PTPRE: variants seen among roughly 807,000 people sequenced by gnomAD.
PTPRE encodes the protein protein tyrosine phosphatase receptor type E.
A neutral mutation model predicts 102.0 loss-of-function variants in PTPRE; 51 were observed. That is an observed-to-expected ratio of 0.50 (90% CI 0.40 to 0.63). The LOEUF (loss-of-function observed/expected upper bound fraction) is 0.63, where lower values mean the gene tolerates loss of function less well. Ranked by LOEUF, PTPRE falls within the 30% of genes least tolerant of loss-of-function variation. The pLI is 0.00. For synonymous variants in PTPRE, 345 were observed against 348.2 expected (o/e 0.99, Z 0.10); for missense variants, 752 against 915.1 (o/e 0.82, Z 2.30).
chr10:128,079,505 T>C, intron 19 of PTPRE, 55 bp from the exon 20 acceptor site: 2 of 1,589,044 alleles, frequency 1.3e-6, no homozygotes, highest in East Asian at 2.2e-5. Context: ...AGCTCTCCAT[T>C]TCTCATCCCC....
intron 2 of PTPRE, among the ~76,000 whole-genome samples, chr10:127,995,483 G>A (rs527434126): frequency 1.3e-5 from 2 of 152,280 alleles, no homozygotes; most frequent in East Asian, 3.9e-4. Flanking sequence ...TGGATCTGCA[G>A]ATCCAGAATA....
Position 128,080,869 on chromosome 10 carries a change from GAA to G in PTPRE, c.2028+1175_2028+1176del, listed in dbSNP as rs762883079. 1.8e-4 allele frequency among the ~76,000 whole-genome samples: 28 copies of G among 152,212 alleles called. 1 individual carries two copies. Among genetic ancestry groups the G allele is most frequent in the Non-Finnish European group, 1.6e-4 (11 of 68,038 alleles). On this transcript the variant is annotated intron_variant, in intron 20 of 20. Coordinates refer to ENST00000254667, the MANE Select transcript of PTPRE (RefSeq NM_006504.6). ...GGTGAATCAGCAAACGAATGAGGGA[GAA>G]GAGTCACTAAATAACCATCAGGCGT...
intron 6 of PTPRE, among the ~76,000 whole-genome samples, chr10:128,052,867 C>A (rs1385815655): frequency 6.6e-6 from 1 of 152,168 alleles, no homozygotes; most frequent in Admixed American, 6.5e-5. Flanking sequence ...CAGAACTGCC[C>A]ACACCTAGCT....
At chr10:128,029,395 A>C (rs1846538417) in intron 2 of PTPRE, among the ~76,000 whole-genome samples, 1 of 152,168 alleles carries the variant, frequency 6.6e-6, no homozygotes, top group African/African-American at 2.4e-5. Flanking sequence ...GGGTGTCAGC[A>C]CTAAAGACCA....
At chr10:128,040,740 G>C in intron 2 of PTPRE, 135 bp from the exon 3 acceptor site, 1 of 648,532 alleles carries the variant, frequency 1.5e-6, no homozygotes, top group East Asian at 2.8e-5. Flanking sequence ...ATCCGTGAAA[G>C]TGACAGGCAA....
At chr10:127,908,496 G>A (rs763278313) in intron 1 of PTPRE, among the ~76,000 whole-genome samples, 1 of 152,178 alleles carries the variant, frequency 6.6e-6, no homozygotes, top group Non-Finnish European at 1.5e-5. Flanking sequence ...GCCAGAGGAG[G>A]GCATGAAATG....
chr10:127,999,050 A>T (rs770917498), intron 2 of PTPRE: 3 of 152,152 alleles, frequency 2.0e-5, no homozygotes, highest in South Asian at 2.1e-4. Flanking sequence ...CTGAAATAGC[A>T]TTGTTCTTTA....
intron 1 of PTPRE, among the ~76,000 whole-genome samples, chr10:127,947,807 G>T (rs1848732453): frequency 6.6e-6 from 1 of 152,182 alleles, no homozygotes; most frequent in Admixed American, 6.5e-5. Flanking sequence ...AACTGACATT[G>T]TCTTGGACCT....
intron 3 of PTPRE, 144 bp downstream of exon 3, chr10:128,041,134 A>G (rs540979687): frequency 2.2e-5 from 16 of 721,066 alleles, no homozygotes; most frequent in African/African-American, 3.5e-5. Context: ...TTGTGCCTCT[A>G]AAAACAGGCA....
intron 1 of PTPRE, among the ~76,000 whole-genome samples, chr10:127,938,123 G>T (rs1847963425): frequency 6.6e-6 from 1 of 152,316 alleles, no homozygotes. Flanking sequence ...TGCCACGACT[G>T]TGTGGAAAAT....
At chr10:127,979,796 T>C (rs1564845067) in intron 1 of PTPRE, among the ~76,000 whole-genome samples, 1 of 152,244 alleles carries the variant, frequency 6.6e-6, no homozygotes, top group Non-Finnish European at 1.5e-5. Context: ...TCTTTTCCCA[T>C]GTGGTTTTAG....
At chr10:127,999,897 C>A in intron 2 of PTPRE, 1 of 985,422 alleles carries the variant, frequency 1.0e-6, no homozygotes, top group Non-Finnish European at 1.2e-6. Flanking sequence ...CCAGGAGACT[C>A]CAGTGCTGTG....
At chr10:128,048,917 C>G (rs936139086) in intron 5 of PTPRE, among the ~76,000 whole-genome samples, 3 of 152,110 alleles carry the variant, frequency 2.0e-5, no homozygotes, top group African/African-American at 7.2e-5. Flanking sequence ...AAAGACATGT[C>G]CATAACTGTT....
intron 1 of PTPRE, among the ~76,000 whole-genome samples, chr10:127,956,825 T>A (rs1589828211): frequency 6.6e-6 from 1 of 152,334 alleles, no homozygotes; most frequent in Non-Finnish European, 1.5e-5. Context: ...AGACAGATGA[T>A]GATGAGCATC....
At chr10:127,932,945 G>A (rs1847555297) in intron 1 of PTPRE, among the ~76,000 whole-genome samples, 1 of 152,208 alleles carries the variant, frequency 6.6e-6, no homozygotes, top group African/African-American at 2.4e-5. Flanking sequence ...AGAGCTAGAG[G>A]CTGTCCCGAT....
At chr10:128,044,354 C>T (rs1847930538) in intron 3 of PTPRE, among the ~76,000 whole-genome samples, 1 of 152,172 alleles carries the variant, frequency 6.6e-6, no homozygotes, top group Admixed American at 6.5e-5. Context: ...AGATAGGGGA[C>T]ACAGTGAGAG....
At chr10:127,949,439 A>G (rs1848856717) in intron 1 of PTPRE, among the ~76,000 whole-genome samples, 2 of 152,332 alleles carry the variant, frequency 1.3e-5, no homozygotes, top group African/African-American at 4.8e-5. Flanking sequence ...AAAATGCTGG[A>G]GACTCTACTT....
chr10:128,013,534 T>A (rs1018122341), intron 2 of PTPRE, among the ~76,000 whole-genome samples: 1 of 152,196 alleles, frequency 6.6e-6, no homozygotes, highest in African/African-American at 2.4e-5. Flanking sequence ...AGGGATGTGC[T>A]ATGATCTGAA....
intron 2 of PTPRE, chr10:127,999,926 T>C: frequency 2.0e-6 from 2 of 985,480 alleles, no homozygotes; most frequent in Non-Finnish European, 1.2e-6. Flanking sequence ...TCTGAACGAA[T>C]TGATCACCTA....
Sources: gnomAD v4.1 joint callset for allele counts (sites outside exome capture counted in the v4.1 genomes callset) on GRCh38, gnomAD v4.1.1 for gene constraint, MANE v1.5 for transcripts, NCBI Gene and HGNC (gene_info 2026-07-23, HGNC 2026-07-21) for gene names.